The following RASAL2 variants were observed in gnomAD, a reference collection of about 807,000 sequenced individuals.
RASAL2 encodes ras GTPase-activating protein nGAP.
In RASAL2, 58 loss-of-function variants were observed where a neutral mutation model predicts 128.9. That is an observed-to-expected ratio of 0.45 (90% CI 0.36 to 0.56). The LOEUF (loss-of-function observed/expected upper bound fraction) is 0.56, where lower values mean the gene tolerates loss of function less well. Ranked by LOEUF, RASAL2 falls within the 20% of genes least tolerant of loss-of-function variation. RASAL2 has a pLI of 0.00. For missense variants in RASAL2, 1,360 were observed against 1,601.6 expected, an observed-to-expected ratio of 0.85 and a Z score of 2.57; for synonymous variants, 561 against 580.8, an observed-to-expected ratio of 0.97 and a Z score of 0.49.
chr1:178,272,288 G>A (rs1238163869), intron 1 of RASAL2, among the ~76,000 whole-genome samples: 2 of 151,980 alleles, frequency 1.3e-5, no homozygotes, highest in Admixed American at 6.6e-5. Flanking sequence ...AAAAAATCCC[G>A]GACTATACGT....
chr1:178,149,941 A>G lies in RASAL2; in HGVS notation c.202+55247A>G, dbSNP rs190223173. On this transcript the variant is annotated intron_variant, in intron 1 of 17. Transcript: ENST00000367649. Reference sequence around the variant, plus strand: ...TTTAGAAACTGCCACAACCCCCAGTATATAAATTTTGTGAGTTCTATTAGT... The same window carrying G: ...TTTAGAAACTGCCACAACCCCCAGTGTATAAATTTTGTGAGTTCTATTAGT... 4.2e-3 allele frequency among the ~76,000 whole-genome samples: 646 copies of G among 152,274 alleles called. 11 individuals are homozygous for G. Among genetic ancestry groups the G allele is most frequent in the Admixed American group, 0.032 (493 of 15,296 alleles).
chr1:178,250,648 G>T (rs538478393), intron 1 of RASAL2, among the ~76,000 whole-genome samples: 14 of 152,146 alleles, frequency 9.2e-5, no homozygotes, highest in Admixed American at 8.5e-4. Flanking sequence ...CGCCTTCTGC[G>T]TTGGTCTCGC....
At chr1:178,158,533 C>T (rs1172483223) in intron 1 of RASAL2, among the ~76,000 whole-genome samples, 8 of 151,964 alleles carry the variant, frequency 5.3e-5, no homozygotes. Flanking sequence ...GTCTTATTTA[C>T]CTAATTTGTA....
chr1:178,283,492 T>A, intron 1 of RASAL2, 72 bp from the exon 2 acceptor site: 1 of 1,543,166 alleles, frequency 6.5e-7, no homozygotes, highest in Non-Finnish European at 8.8e-7. Flanking sequence ...TGGAAGAATT[T>A]TACATTTGAA....
chr1:178,445,381 CT>C, intron 8 of RASAL2, 136 bp from the exon 9 acceptor site: 29 of 1,028,828 alleles, frequency 2.8e-5, no homozygotes, highest in South Asian at 5.5e-5. Flanking sequence ...ATCCTGATTG[CT>C]TTTTTTCCTT....
In RASAL2 at chr1:178,413,805, G is replaced by A. The variant is rs944714482; in HGVS notation, c.565-6706G>A. Among the ~76,000 whole-genome samples the A allele has an allele frequency of 2.6e-5, 4 of 152,096 alleles. 1 individual carries two copies. The highest frequency in any genetic ancestry group is 9.7e-5 in the African/African-American group (4 of 41,412). On this transcript the variant is annotated intron_variant, in intron 4 of 17. Transcript: ENST00000367649. ...AACAGATGGACAATGTAAGAAGAGA[G>A]ATAGAAATTATAAAAAAGAACCAAA...
chr1:178,099,747 G>A (rs937555668), intron 1 of RASAL2, among the ~76,000 whole-genome samples: 2 of 152,052 alleles, frequency 1.3e-5, no homozygotes, highest in African/African-American at 4.8e-5. Flanking sequence ...GATCACTTGA[G>A]GTCAGGAGTT....
intron 1 of RASAL2, among the ~76,000 whole-genome samples, chr1:178,229,428 G>A (rs1347446832): frequency 1.3e-5 from 2 of 150,660 alleles, no homozygotes; most frequent in Non-Finnish European, 3.0e-5. Flanking sequence ...ATCTTTCTTT[G>A]TCCTGATCCT....
intron 14 of RASAL2, among the ~76,000 whole-genome samples, chr1:178,463,682 A>G (rs1354568543): frequency 1.3e-5 from 2 of 152,154 alleles, no homozygotes; most frequent in Non-Finnish European, 2.9e-5. Context: ...CTAAATCAAT[A>G]ATATGAAAAC....
At chr1:178,318,544 G>A (rs1250001596) in intron 3 of RASAL2, among the ~76,000 whole-genome samples, 4 of 149,958 alleles carry the variant, frequency 2.7e-5, no homozygotes, top group African/African-American at 4.9e-5. Context: ...TTACCATTAT[G>A]TAATGGCCTT....
intron 1 of RASAL2, among the ~76,000 whole-genome samples, chr1:178,180,056 A>T (rs1050423710): frequency 1.5e-4 from 23 of 152,194 alleles, no homozygotes; most frequent in African/African-American, 5.6e-4. Flanking sequence ...TTTGATTATG[A>T]AATACTTATT....
intron 5 of RASAL2, among the ~76,000 whole-genome samples, chr1:178,433,875 C>T (rs1676085076): frequency 6.7e-6 from 1 of 148,782 alleles, no homozygotes; most frequent in Non-Finnish European, 1.5e-5. Context: ...TGAGATTGCA[C>T]CACTGCACTC....
intron 3 of RASAL2, among the ~76,000 whole-genome samples, chr1:178,385,832 C>G (rs553388044): frequency 6.6e-6 from 1 of 152,302 alleles, no homozygotes; most frequent in African/African-American, 2.4e-5. Flanking sequence ...GTACTAGCTT[C>G]CCTCTACCTG....
rs151044103 is a variant in RASAL2 at position 178,308,039 on chromosome 1, C to G, written c.457+7921C>G. Among the ~76,000 whole-genome samples, 1,095 of 152,120 alleles carry G rather than the reference C, an allele frequency of 7.2e-3. 5 individuals are homozygous for G. The highest frequency in any genetic ancestry group is 0.01 in the Non-Finnish European group (693 of 67,998). ...TCAAGGCTGCAGAGATCTCATGCCT[C>G]TATTTTAATATATTATAATAAAATA... On this transcript the variant is annotated intron_variant, in intron 3 of 17. Transcript: ENST00000367649.
At chr1:178,300,223 C>A in intron 3 of RASAL2, 105 bp downstream of exon 3, 1 of 1,306,114 alleles carries the variant, frequency 7.7e-7, no homozygotes, top group Non-Finnish European at 1.0e-6. Flanking sequence ...TAAGTAAGTG[C>A]TTTGAAATCA....
chr1:178,339,321 A>T (rs1040035713), intron 3 of RASAL2, among the ~76,000 whole-genome samples: 7 of 152,214 alleles, frequency 4.6e-5, no homozygotes, highest in African/African-American at 7.2e-5. Flanking sequence ...AGTAATTTCT[A>T]CTTAACCTTC....
At chr1:178,102,963 A>C (rs572468852) in intron 1 of RASAL2, among the ~76,000 whole-genome samples, 1 of 152,352 alleles carries the variant, frequency 6.6e-6, no homozygotes, top group South Asian at 2.1e-4. Context: ...AGTTTACAAA[A>C]AATTCAGGGT....
At chr1:178,398,491 A>G (rs986456375) in intron 4 of RASAL2, among the ~76,000 whole-genome samples, 19 of 152,190 alleles carry the variant, frequency 1.2e-4, no homozygotes, top group Admixed American at 5.2e-4. Context: ...TAGTGGGATA[A>G]TGCTGAGATT....
intron 1 of RASAL2, among the ~76,000 whole-genome samples, chr1:178,226,289 A>G (rs1347708951): frequency 6.6e-6 from 1 of 152,112 alleles, no homozygotes; most frequent in Non-Finnish European, 1.5e-5. Flanking sequence ...TTGGGGGGGC[A>G]TGTTTCTTTG....
Sources: allele counts gnomAD v4.1 joint callset (sites outside exome capture counted in the v4.1 genomes callset), GRCh38; gene constraint gnomAD v4.1.1; transcripts MANE v1.5; gene names NCBI Gene and HGNC (gene_info 2026-07-23, HGNC 2026-07-21).